Variants in AGBL1 observed in about 807,000 individuals in gnomAD.
AGBL1 encodes the protein AGBL carboxypeptidase 1, also known as cytosolic carboxypeptidase 4.
In AGBL1, 130 loss-of-function variants were observed where a neutral mutation model predicts 118.9. The observed-to-expected ratio is 1.09, with a 90% CI of 0.95 to 1.26. The LOEUF (loss-of-function observed/expected upper bound fraction) is 1.26. AGBL1 is among the 50% of genes most tolerant of loss of function. AGBL1 has a pLI of 0.00. For missense variants in AGBL1, 1,584 were observed against 1,298.1 expected, an observed-to-expected ratio of 1.22 and a Z score of -3.38; for synonymous variants, 555 against 478.9, an observed-to-expected ratio of 1.16 and a Z score of -2.08.
chr15:86,790,122 G>C (rs537105618), intron 22 of AGBL1, among the ~76,000 whole-genome samples: 1 of 152,208 alleles, frequency 6.6e-6, no homozygotes, highest in South Asian at 2.1e-4. Flanking sequence ...AAGGTACACA[G>C]AGCTGCATTT....
At chr15:86,326,185 T>A (rs979483698) in intron 17 of AGBL1, among the ~76,000 whole-genome samples, 12 of 152,184 alleles carry the variant, frequency 7.9e-5, no homozygotes, top group Admixed American at 3.3e-4. Flanking sequence ...GTGAGCTTTT[T>A]TTTTTCATTT....
Position 86,546,145 on chromosome 15 carries a change from T to G in AGBL1, c.2817+12T>G, listed in dbSNP as rs760326709. On this transcript the variant is annotated intron_variant, in intron 20 of 22. Coordinates refer to ENST00000614907, the MANE Select transcript of AGBL1 (RefSeq NM_001386094.1). ...AGGTCAACTACAGGGTAAGCCGCTG[T>G]GGGGAATGACATCAGACATGCTGTG... 1.3e-5 allele frequency: 21 copies of G among 1,608,096 alleles called. No homozygotes were observed. Among genetic ancestry groups the G allele is most frequent in the Admixed American group, 1.2e-4 (7 of 59,730 alleles).
intron 17 of AGBL1, among the ~76,000 whole-genome samples, chr15:86,374,097 T>A (rs2081004999): frequency 6.6e-6 from 1 of 152,176 alleles, no homozygotes; most frequent in Admixed American, 6.5e-5. Flanking sequence ...GAAACTCAAG[T>A]CTAGAGTGTT....
At chr15:86,620,176 A>T (rs2084784069) in intron 21 of AGBL1, among the ~76,000 whole-genome samples, 1 of 152,168 alleles carries the variant, frequency 6.6e-6, no homozygotes, top group African/African-American at 2.4e-5. Context: ...AGAAGATGAA[A>T]AGAAAGATCC....
At chr15:86,132,299 C>T (rs1486061910) in intron 1 of AGBL1, among the ~76,000 whole-genome samples, 1 of 152,046 alleles carries the variant, frequency 6.6e-6, no homozygotes, top group African/African-American at 2.4e-5. Context: ...GAGGAGCCTC[C>T]CTGTCCTGAA....
At chr15:86,888,708 T>A (rs1265835018) in intron 22 of AGBL1, among the ~76,000 whole-genome samples, 2 of 152,104 alleles carry the variant, frequency 1.3e-5, no homozygotes, top group African/African-American at 4.8e-5. Flanking sequence ...AATGTGCTTA[T>A]GGCCTCAAGC....
intron 18 of AGBL1, among the ~76,000 whole-genome samples, chr15:86,500,493 T>C (rs1456776608): frequency 1.4e-5 from 2 of 147,814 alleles, no homozygotes; most frequent in African/African-American, 5.0e-5. Context: ...ATGTTTGCAA[T>C]TACATTTTAA....
chr15:87,025,711 G>A (rs1053126640), intron 24 of AGBL1, among the ~76,000 whole-genome samples: 3 of 151,812 alleles, frequency 2.0e-5, no homozygotes, highest in African/African-American at 7.2e-5. Context: ...GCAAGACTAA[G>A]CAAAAAGAAC....
rs145099252 is a variant in AGBL1 at position 86,759,686 on chromosome 15, C to T, written c.3158+85250C>T. Among the ~76,000 whole-genome samples, 9 of 152,040 alleles carry T rather than the reference C, an allele frequency of 5.9e-5. No individual in the cohort carries two copies. In the East Asian group the frequency reaches 1.7e-3, roughly 30 times the overall value. Reference sequence around the variant, plus strand: ...TAGACATTCATTGAGAATCTGGATACAGAATATGGAAGAACATTAAAATCT... The same window carrying T: ...TAGACATTCATTGAGAATCTGGATATAGAATATGGAAGAACATTAAAATCT... On this transcript the variant is annotated intron_variant, in intron 22 of 22. Coordinates refer to ENST00000614907, the MANE Select transcript of AGBL1 (RefSeq NM_001386094.1).
chr15:86,251,821 G>GGAAAA (rs1555455886), intron 7 of AGBL1, among the ~76,000 whole-genome samples: 1 of 146,282 alleles, frequency 6.8e-6, no homozygotes, highest in African/African-American at 2.5e-5. Flanking sequence ...ATGCAAGATT[G>GGAAAA]AAAAAAAAAA....
chr15:86,577,422 C>T (rs140911487), intron 21 of AGBL1, among the ~76,000 whole-genome samples: 3,763 of 152,166 alleles, frequency 0.025, 149 homozygotes, highest in African/African-American at 0.078. Flanking sequence ...AAAAGGGAAA[C>T]AGAGCATAAA....
intron 17 of AGBL1, among the ~76,000 whole-genome samples, chr15:86,341,526 A>G (rs761544419): frequency 3.3e-5 from 5 of 152,062 alleles, no homozygotes; most frequent in Non-Finnish European, 7.4e-5. Context: ...TAGTGGGAGG[A>G]CTCAGGAAGG....
chr15:86,804,574 T>C (rs188562320), intron 22 of AGBL1, among the ~76,000 whole-genome samples: 1 of 152,328 alleles, frequency 6.6e-6, no homozygotes, highest in African/African-American at 2.4e-5. Context: ...ATGCTACGCA[T>C]GTGTCTTGAT....
At chr15:86,902,600 A>G (rs2141583715) in intron 22 of AGBL1, among the ~76,000 whole-genome samples, 1 of 151,908 alleles carries the variant, frequency 6.6e-6, no homozygotes, top group African/African-American at 2.4e-5. Flanking sequence ...CTGTTACCAA[A>G]AAATTATCAA....
intron 24 of AGBL1, among the ~76,000 whole-genome samples, chr15:87,022,959 A>C (rs1478585369): frequency 6.6e-6 from 1 of 152,078 alleles, no homozygotes; most frequent in Non-Finnish European, 1.5e-5. Flanking sequence ...GCTTTTCAAA[A>C]AGTGCTCTAA....
chr15:86,444,735 A>G (rs117305507), intron 18 of AGBL1, among the ~76,000 whole-genome samples: 6,670 of 152,212 alleles, frequency 0.044, 197 homozygotes, highest in South Asian at 0.098. Flanking sequence ...CACACCTAAA[A>G]GCCAGCCCAG....
intron 18 of AGBL1, among the ~76,000 whole-genome samples, chr15:86,401,130 G>C (rs1315107759): frequency 1.3e-5 from 2 of 152,060 alleles, no homozygotes; most frequent in Non-Finnish European, 2.9e-5. Flanking sequence ...ATTACATTTT[G>C]ATTTTTTAAT....
At chr15:86,858,082 C>T (rs371611033) in intron 22 of AGBL1, among the ~76,000 whole-genome samples, 1 of 152,162 alleles carries the variant, frequency 6.6e-6, no homozygotes, top group South Asian at 2.1e-4. Context: ...CTAAGCTCCC[C>T]TGATACCACT....
intron 21 of AGBL1, among the ~76,000 whole-genome samples, chr15:86,560,045 C>T (rs986233852): frequency 6.6e-6 from 1 of 152,126 alleles, no homozygotes; most frequent in Non-Finnish European, 1.5e-5. Flanking sequence ...AAGTTTTTTG[C>T]TGGGTATCCA....
Sources: allele counts gnomAD v4.1 joint callset (sites outside exome capture counted in the v4.1 genomes callset), GRCh38; gene constraint gnomAD v4.1.1; transcripts MANE v1.5; gene names NCBI Gene and HGNC (gene_info 2026-07-23, HGNC 2026-07-21).